Variants in ARPP21 observed in about 807,000 individuals in gnomAD.
The protein encoded by ARPP21 is cAMP-regulated phosphoprotein 21.
ARPP21 carries 69 observed loss-of-function variants against 113.2 expected under a neutral mutation model. That is an observed-to-expected ratio of 0.61 (90% CI 0.50 to 0.74). The LOEUF (loss-of-function observed/expected upper bound fraction) is 0.74. Among genes scored for constraint, ARPP21 ranks in the 30% least tolerant of loss-of-function variants. ARPP21 has a pLI of 0.00. For synonymous variants in ARPP21, 368 were observed against 375.5 expected (o/e 0.98, Z 0.23); for missense variants, 1,070 against 1,037.4 (o/e 1.03, Z -0.43).
At chr3:35,671,943 A>G (rs2149332537) in intron 1 of ARPP21, among the ~76,000 whole-genome samples, 1 of 152,202 alleles carries the variant, frequency 6.6e-6, no homozygotes, top group South Asian at 2.1e-4. Context: ...CCACATGTGC[A>G]TCATCAGTTC....
At chr3:35,715,304 T>C (rs2092219804) in intron 11 of ARPP21, 135 bp from the exon 12 acceptor site, 2 of 694,194 alleles carry the variant, frequency 2.9e-6, no homozygotes, top group Non-Finnish European at 5.0e-6. Flanking sequence ...TCCTTTTTTA[T>C]TTCTATCTTT....
intron 15 of ARPP21, among the ~76,000 whole-genome samples, chr3:35,730,059 G>A (rs1056525496): frequency 2.6e-5 from 4 of 152,226 alleles, no homozygotes; most frequent in Non-Finnish European, 5.9e-5. Flanking sequence ...AGAAACAGCA[G>A]TGGCGAAGAG....
chr3:35,715,317 T>C, intron 11 of ARPP21, 122 bp from the exon 12 acceptor site: 1 of 753,744 alleles, frequency 1.3e-6, no homozygotes, highest in East Asian at 2.5e-5. Flanking sequence ...CTATCTTTTG[T>C]ACCTATTTTT....
intron 1 of ARPP21, chr3:35,643,567 A>T (rs1426837794): frequency 1.3e-5 from 2 of 152,112 alleles, no homozygotes; most frequent in Non-Finnish European, 2.9e-5. Context: ...GTCTGTGGAC[A>T]AGATAATGAT....
chr3:35,648,701 C>T (rs1701211978), intron 1 of ARPP21, among the ~76,000 whole-genome samples: 2 of 152,078 alleles, frequency 1.3e-5, no homozygotes, highest in Admixed American at 1.3e-4. Context: ...AATTGGTTCC[C>T]CTATCAAAAA....
intron 9 of ARPP21, among the ~76,000 whole-genome samples, chr3:35,705,108 C>A (rs1443057738): frequency 6.6e-6 from 1 of 151,780 alleles, no homozygotes; most frequent in Non-Finnish European, 1.5e-5. Flanking sequence ...ATTACAGAGC[C>A]TGGGGATATT....
rs770060632 is a variant in ARPP21 at position 35,739,306 on chromosome 3, A to G, written c.1750-11A>G. On this transcript the variant is annotated splice_polypyrimidine_tract_variant and intron_variant, in intron 17 of 20. Coordinates refer to ENST00000684406, the MANE Select transcript of ARPP21 (RefSeq NM_001385562.1). Reference sequence around the variant, plus strand: ...CCTGTGAATTCCCTCATTTATTTCCATGACTTGCAGAGAGATGATGTGGCA... The same window carrying G: ...CCTGTGAATTCCCTCATTTATTTCCGTGACTTGCAGAGAGATGATGTGGCA... 2 of 1,610,400 alleles carry G rather than the reference A, an allele frequency of 1.2e-6. No homozygotes were observed. Among genetic ancestry groups the G allele is most frequent in the African/African-American group, 1.3e-5 (1 of 74,902 alleles).
intron 13 of ARPP21, 59 bp downstream of exon 13, chr3:35,717,416 G>A: frequency 9.8e-7 from 1 of 1,017,420 alleles, no homozygotes; most frequent in Non-Finnish European, 1.6e-6. Flanking sequence ...TAGAATCAAT[G>A]TTAAATATTA....
At chr3:35,732,024 T>G (rs1184540929) in intron 15 of ARPP21, among the ~76,000 whole-genome samples, 1 of 152,180 alleles carries the variant, frequency 6.6e-6, no homozygotes, top group Non-Finnish European at 1.5e-5. Context: ...GCTCAATAAT[T>G]ACATCATTAT....
At chr3:35,729,923 T>G (rs2093826327) in intron 15 of ARPP21, among the ~76,000 whole-genome samples, 1 of 152,212 alleles carries the variant, frequency 6.6e-6, no homozygotes, top group Admixed American at 6.5e-5. Flanking sequence ...TTGTATTATG[T>G]CAAAAGTGTT....
At position 35,654,407 on chromosome 3, in the gene ARPP21, C is replaced by T. The variant is rs947972267; in HGVS notation, c.-213+14009C>T. 2.6e-5 allele frequency among the ~76,000 whole-genome samples: 4 copies of T among 152,070 alleles called. No homozygotes were observed. The South Asian group carries it at 8.3e-4, about 31-fold the overall frequency. On this transcript the variant is annotated intron_variant, in intron 1 of 20. Coordinates refer to ENST00000684406, the MANE Select transcript of ARPP21 (RefSeq NM_001385562.1). ...GGAAAGGCACTACATTATTTATTTA[C>T]AACCTGTCTTCTGCCCCATGGGGGA...
intron 1 of ARPP21, among the ~76,000 whole-genome samples, chr3:35,647,356 G>A (rs866232934): frequency 2.4e-4 from 37 of 152,184 alleles, no homozygotes; most frequent in African/African-American, 8.7e-4. Flanking sequence ...CTGATATAAT[G>A]TGGGAAGCTG....
rs1266170419 is a variant in ARPP21 at position 35,743,955 on chromosome 3, A to G, written c.2127A>G (p.Ala709=). 2 of 1,614,164 alleles carry G rather than the reference A, an allele frequency of 1.2e-6. No individual in the cohort carries two copies. Among genetic ancestry groups the G allele is most frequent in the Admixed American group, 1.7e-5 (1 of 60,024 alleles). Reference sequence around the variant, plus strand: ...GGAGTCAACAGATGCCACAGGCAGCACAGCAAGCAGGTACTTGGAATCTGT... The same window carrying G: ...GGAGTCAACAGATGCCACAGGCAGCGCAGCAAGCAGGTACTTGGAATCTGT... The part of the protein sequence containing the change: ...AQRSQQMPQA[A]QQAGYQPVLS... Residue 709 remains alanine (A), a synonymous_variant, in exon 19 of 21, where the codon GCA becomes GCG. Coordinates refer to ENST00000684406, the MANE Select transcript of ARPP21 (RefSeq NM_001385562.1).
intron 11 of ARPP21, among the ~76,000 whole-genome samples, chr3:35,712,779 AT>A (rs2150116550): frequency 6.6e-6 from 1 of 152,238 alleles, no homozygotes; most frequent in African/African-American, 2.4e-5. Context: ...TAATAAATGT[AT>A]TTTTTGTAGT....
At chr3:35,728,522 C>CTT (rs35476301) in intron 14 of ARPP21, among the ~76,000 whole-genome samples, 5 of 143,840 alleles carry the variant, frequency 3.5e-5, no homozygotes, top group African/African-American at 1.3e-4. Context: ...CCAGCCCATC[C>CTT]TTTTTTTTTT....
intron 2 of ARPP21, among the ~76,000 whole-genome samples, chr3:35,680,165 T>C (rs1329654943): frequency 6.6e-6 from 1 of 151,892 alleles, no homozygotes; most frequent in Non-Finnish European, 1.5e-5. Context: ...TTTACTTAAA[T>C]ACTCTAAAAA....
chr3:35,743,860 T>A lies in ARPP21; in HGVS notation c.2032T>A (p.Ser678Thr). 6.2e-7 allele frequency: 1 copy of A among 1,614,034 alleles called. No homozygotes were observed. Among genetic ancestry groups the A allele is most frequent in the Non-Finnish European group, 8.5e-7 (1 of 1,179,866 alleles). Residue 678 changes from serine (S) to threonine (T), a missense_variant, in exon 19 of 21, where the codon TCT becomes ACT. Ser to Thr is a moderately conservative substitution (Grantham distance 58, BLOSUM62 1). Coordinates refer to ENST00000684406, the MANE Select transcript of ARPP21 (RefSeq NM_001385562.1). ...PAQMPVYYYP[S>T]GQYPTSTTQQ... Reference sequence around the variant, plus strand: ...ACAGATGCCTGTATATTATTACCCATCTGGTCAGTACCCTACCTCAACCAC... The same window carrying A: ...ACAGATGCCTGTATATTATTACCCAACTGGTCAGTACCCTACCTCAACCAC...
Position 35,699,291 on chromosome 3 carries a change from C to T in ARPP21, c.687-7683C>T, listed in dbSNP as rs116154045. On this transcript the variant is annotated intron_variant, in intron 9 of 20. Transcript: ENST00000684406. ...TTTCCTCAATCTGCATCTTTGCTTGCTATAGGCAGGAGAATTATGCCCAGT... is the reference window on the plus strand; with the variant it reads ...TTTCCTCAATCTGCATCTTTGCTTGTTATAGGCAGGAGAATTATGCCCAGT... 4.0e-3 allele frequency among the ~76,000 whole-genome samples: 604 copies of T among 151,698 alleles called. 5 individuals are homozygous for T. The highest frequency in any genetic ancestry group is 0.014 in the African/African-American group (563 of 41,484).
intron 1 of ARPP21, among the ~76,000 whole-genome samples, chr3:35,673,838 G>T (rs1272581662): frequency 1.3e-5 from 2 of 151,762 alleles, no homozygotes; most frequent in Non-Finnish European, 2.9e-5. Flanking sequence ...TTCACATCTT[G>T]GAGGAATGAA....
Sources: allele counts gnomAD v4.1 joint callset (sites outside exome capture counted in the v4.1 genomes callset), GRCh38; gene constraint gnomAD v4.1.1; transcripts MANE v1.5; gene names NCBI Gene and HGNC (gene_info 2026-07-23, HGNC 2026-07-21).